SMG6: variants seen among roughly 807,000 people sequenced by gnomAD.
SMG6 encodes the protein telomerase-binding protein EST1A.
SMG6 carries 66 observed loss-of-function variants against 142.2 expected under a neutral mutation model. The observed-to-expected ratio is 0.46, with a 90% CI of 0.38 to 0.57. The LOEUF is 0.57. Among genes scored for constraint, SMG6 ranks in the 20% least tolerant of loss-of-function variants. The probability of loss-of-function intolerance (pLI) is 0.00; values close to 1 mark genes in which losing one functional copy is unlikely to be tolerated. For synonymous variants in SMG6, 779 were observed against 702.4 expected (o/e 1.11, Z -1.72); for missense variants, 1,793 against 1,832.0 (o/e 0.98, Z 0.39).
rs543415424 is a variant in SMG6 at position 2,169,800 on chromosome 17, T to C, written c.3357+2858A>G. On this transcript the variant is annotated intron_variant, in intron 13 of 18. Transcript: ENST00000263073. ...GAGAGGAGCAACCATCAGAAGGTTTTGAACTAAGAAATGACATGATCTCAC... is the reference window on the plus strand; with the variant it reads ...GAGAGGAGCAACCATCAGAAGGTTTCGAACTAAGAAATGACATGATCTCAC... Among the ~76,000 whole-genome samples the C allele has an allele frequency of 4.1e-4, 63 of 152,220 alleles. No individual in the cohort carries two copies. In the South Asian group the frequency reaches 4.6e-3, roughly 11 times the overall value.
rs1443428019 is a variant in SMG6 at position 2,071,180 on chromosome 17, G to C, written c.3682-2249C>G. Among the ~76,000 whole-genome samples, 4 of 152,166 alleles carry C rather than the reference G, an allele frequency of 2.6e-5. No homozygotes were observed. Among genetic ancestry groups the C allele is most frequent in the African/African-American group, 7.2e-5 (3 of 41,438 alleles). On this transcript the variant is annotated intron_variant, in intron 15 of 18. Coordinates refer to ENST00000263073, the MANE Select transcript of SMG6 (RefSeq NM_017575.5). The surrounding 1 kb of genome is among the most constrained non-coding windows in gnomAD (Gnocchi z 5.6). Reference sequence around the variant, plus strand: ...GCGCCTCTGCCTCTGCCTCTGCCCCGCAAGTCCACTACCATCTCAGTTCTC... The same window carrying C: ...GCGCCTCTGCCTCTGCCTCTGCCCCCCAAGTCCACTACCATCTCAGTTCTC...
At chr17:2,082,190 G>A (rs76916980) in intron 14 of SMG6, 6,389 of 539,142 alleles carry the variant, frequency 0.012, 263 homozygotes, top group African/African-American at 0.1. Flanking sequence ...CCCTCAGAGA[G>A]TTACACCATA....
At chr17:2,070,179 T>C (rs2068061972) in intron 15 of SMG6, among the ~76,000 whole-genome samples, 1 of 152,182 alleles carries the variant, frequency 6.6e-6, no homozygotes, top group African/African-American at 2.4e-5. Flanking sequence ...AAAGCCTGAT[T>C]TTCTTCTCTG....
chr17:2,159,960 T>A (rs1339592772), intron 13 of SMG6, among the ~76,000 whole-genome samples: 5 of 152,090 alleles, frequency 3.3e-5, no homozygotes, highest in South Asian at 2.1e-4. Context: ...AACAGGCAAA[T>A]CTAATCTATA....
intron 13 of SMG6, among the ~76,000 whole-genome samples, chr17:2,171,668 C>T (rs751568787): frequency 2.8e-4 from 42 of 151,824 alleles, no homozygotes; most frequent in Admixed American, 1.6e-3. Flanking sequence ...GCCACTGCAA[C>T]GGGCCAAGAC....
chr17:2,236,954 C>G (rs937208929), intron 9 of SMG6: 2 of 573,862 alleles, frequency 3.5e-6, no homozygotes, highest in African/African-American at 4.0e-5. Context: ...AAGCTAATAT[C>G]AAAGTTTCTC....
At chr17:2,162,520 A>G (rs1362538537) in intron 13 of SMG6, among the ~76,000 whole-genome samples, 6 of 72,080 alleles carry the variant, frequency 8.3e-5, no homozygotes, top group African/African-American at 3.1e-4. Flanking sequence ...CATCTCAGAA[A>G]AAAAAAAAAA....
intron 13 of SMG6, among the ~76,000 whole-genome samples, chr17:2,126,900 A>ACACACATG (rs1311979181): frequency 2.6e-4 from 33 of 128,048 alleles, no homozygotes; most frequent in African/African-American, 1.1e-3. Flanking sequence ...ACACACACGC[A>ACACACATG]CACACATGCA....
intron 13 of SMG6, among the ~76,000 whole-genome samples, chr17:2,119,419 C>G (rs1284649760): frequency 6.6e-6 from 1 of 152,148 alleles, no homozygotes; most frequent in Non-Finnish European, 1.5e-5. Context: ...GTCTCGAACT[C>G]TTGACCTCAA....
At chr17:2,273,753 C>G (rs1308582063) in intron 8 of SMG6, among the ~76,000 whole-genome samples, 1 of 151,636 alleles carries the variant, frequency 6.6e-6, no homozygotes, top group Non-Finnish European at 1.5e-5. Context: ...GCAGAGATCG[C>G]GCCACTGCAC....
At chr17:2,274,691 T>A (rs1019993851) in intron 8 of SMG6, among the ~76,000 whole-genome samples, 10 of 152,144 alleles carry the variant, frequency 6.6e-5, no homozygotes, top group African/African-American at 9.7e-5. Context: ...ACAATGGCAT[T>A]TCTCTTGTCT....
At chr17:2,151,419 C>G (rs2070821119) in intron 13 of SMG6, among the ~76,000 whole-genome samples, 1 of 152,152 alleles carries the variant, frequency 6.6e-6, no homozygotes, top group Non-Finnish European at 1.5e-5. Flanking sequence ...AAAAGACATG[C>G]AAATAACTGA....
At chr17:2,215,231 G>GCA (rs1042444088) in intron 10 of SMG6, among the ~76,000 whole-genome samples, 9 of 151,568 alleles carry the variant, frequency 5.9e-5, no homozygotes, top group South Asian at 4.2e-4. Context: ...ACACGCGCGC[G>GCA]CACACACACA....
chr17:2,222,403 G>A (rs975025846), intron 10 of SMG6, among the ~76,000 whole-genome samples: 1 of 151,902 alleles, frequency 6.6e-6, no homozygotes, highest in Non-Finnish European at 1.5e-5. Flanking sequence ...ATTCCAAACA[G>A]AGAAAACAGC....
chr17:2,083,817 A>G (rs1386261848), intron 14 of SMG6, among the ~76,000 whole-genome samples: 1 of 152,164 alleles, frequency 6.6e-6, no homozygotes, highest in Non-Finnish European at 1.5e-5. Context: ...AGCTTGTCTG[A>G]GGTTGGCTCA....
At chr17:2,143,678 T>G (rs1420025523) in intron 13 of SMG6, among the ~76,000 whole-genome samples, 1 of 152,212 alleles carries the variant, frequency 6.6e-6, no homozygotes, top group South Asian at 2.1e-4. Flanking sequence ...ATGAATATAA[T>G]GAAACAACGG....
intron 8 of SMG6, among the ~76,000 whole-genome samples, chr17:2,253,556 C>A (rs762488639): frequency 2.0e-5 from 3 of 152,076 alleles, no homozygotes; most frequent in Non-Finnish European, 4.4e-5. Flanking sequence ...GAAACAGTCA[C>A]GATTCTCATG....
At chr17:2,161,539 A>G (rs1035967940) in intron 13 of SMG6, among the ~76,000 whole-genome samples, 2 of 151,798 alleles carry the variant, frequency 1.3e-5, no homozygotes, top group African/African-American at 4.8e-5. Context: ...CTGTTCATCT[A>G]TAAGCAATCT....
At chr17:2,291,004 G>GT (rs1296842683) in intron 6 of SMG6, among the ~76,000 whole-genome samples, 27 of 152,282 alleles carry the variant, frequency 1.8e-4, no homozygotes, top group East Asian at 1.5e-3. Flanking sequence ...GATGGAAAGC[G>GT]TAAGTATCAG....
Sources: allele counts gnomAD v4.1 joint callset (sites outside exome capture counted in the v4.1 genomes callset), GRCh38; gene constraint gnomAD v4.1.1; non-coding constraint Gnocchi (gnomAD v3.1); transcripts MANE v1.5; gene names NCBI Gene and HGNC (gene_info 2026-07-23, HGNC 2026-07-21).